CEP63: variants seen among roughly 807,000 people sequenced by gnomAD.
CEP63 encodes the protein centrosomal protein of 63 kDa.
A neutral mutation model predicts 89.1 loss-of-function variants in CEP63; 84 were observed. The ratio of observed to expected loss-of-function variants is 0.94; its 90% CI spans 0.79 to 1.13. The LOEUF (loss-of-function observed/expected upper bound fraction) is 1.13, where lower values mean the gene tolerates loss of function less well. Ranked by LOEUF, CEP63 falls within the 50% of genes most tolerant of loss-of-function variation. The pLI, the probability that CEP63 is intolerant of heterozygous loss-of-function variation, is 0.00. For missense variants in CEP63, 838 were observed against 813.3 expected (o/e 1.03, Z -0.37); for synonymous variants, 267 against 272.5 (o/e 0.98, Z 0.20).
chr3:134,607,507 C>T, the CEP63 span: 1 of 985,686 alleles, frequency 1.0e-6, no homozygotes, highest in Non-Finnish European at 1.2e-6. Context: ...GACGGTGCCA[C>T]CAGGCAGTCC....
chr3:134,574,693 C>T, intron 11 of CEP63: 1 of 441,640 alleles, frequency 2.3e-6, no homozygotes, highest in Non-Finnish European at 4.1e-6. Flanking sequence ...CTGCAACCTC[C>T]ACCTCCTGGG....
intron 12 of CEP63, among the ~76,000 whole-genome samples, chr3:134,557,841 C>T (rs563262529): frequency 2.0e-5 from 3 of 152,146 alleles, no homozygotes; most frequent in East Asian, 1.9e-4. Flanking sequence ...TGCTATTTTC[C>T]TTCTTCTTCC....
intron 1 of CEP63, among the ~76,000 whole-genome samples, chr3:134,494,785 A>T (rs1939167815): frequency 6.6e-6 from 1 of 152,182 alleles, no homozygotes; most frequent in Admixed American, 6.5e-5. Context: ...TGGAGAGAGG[A>T]TGTTGCATGC....
the CEP63 span, among the ~76,000 whole-genome samples, chr3:134,730,010 C>T: frequency 6.6e-6 from 1 of 152,202 alleles, no homozygotes; most frequent in Non-Finnish European, 1.5e-5. Flanking sequence ...GCACGCATTT[C>T]TAACCCTTCT....
At chr3:134,517,117 T>TA (rs1477639081) in intron 3 of CEP63, among the ~76,000 whole-genome samples, 1 of 152,198 alleles carries the variant, frequency 6.6e-6, no homozygotes, top group African/African-American at 2.4e-5. Context: ...ATATGCTTAA[T>TA]ATGCTCAATA....
chr3:134,700,284 G>A, the CEP63 span, among the ~76,000 whole-genome samples: 4 of 152,164 alleles, frequency 2.6e-5, no homozygotes, highest in African/African-American at 9.7e-5. Context: ...GCGCTCAACA[G>A]CTCTCCCCTG....
At chr3:134,486,429 C>T (rs1935401075) in intron 1 of CEP63, 43 of 985,410 alleles carry the variant, frequency 4.4e-5, no homozygotes, top group Non-Finnish European at 5.2e-5. Context: ...GTCCCTCGGC[C>T]TGGCCCGCTA....
intron 1 of CEP63, among the ~76,000 whole-genome samples, chr3:134,488,541 G>A (rs1236716437): frequency 2.7e-5 from 4 of 150,504 alleles, no homozygotes; most frequent in African/African-American, 7.4e-5. Flanking sequence ...TCCGGGAGGC[G>A]GAGGTTGCAG....
At chr3:134,640,385 C>T in the CEP63 span, among the ~76,000 whole-genome samples, 1 of 152,132 alleles carries the variant, frequency 6.6e-6, no homozygotes, top group African/African-American at 2.4e-5. Flanking sequence ...ATTTAAATAT[C>T]TTTGAGCTTC....
At chr3:134,533,424 A>C (rs529995337) in intron 5 of CEP63, among the ~76,000 whole-genome samples, 8 of 152,226 alleles carry the variant, frequency 5.3e-5, no homozygotes, top group Non-Finnish European at 1.0e-4. Context: ...CTTTTCGTAC[A>C]AAGTAATCTC....
At chr3:134,651,465 G>A in the CEP63 span, 1 of 1,012,606 alleles carries the variant, frequency 9.9e-7, no homozygotes, top group Non-Finnish European at 1.2e-6. Context: ...TTCAGGAAAA[G>A]GAAAGACAGC....
downstream of CEP63, among the ~76,000 whole-genome samples, chr3:134,577,497 G>C (rs1198028620): frequency 8.6e-6 from 1 of 116,702 alleles, no homozygotes; most frequent in Non-Finnish European, 1.6e-5. Flanking sequence ...TGCAATCTTG[G>C]CTCACTGCAA....
At chr3:134,625,182 G>A in the CEP63 span, 1 of 1,475,228 alleles carries the variant, frequency 6.8e-7, no homozygotes, top group Non-Finnish European at 9.3e-7. Context: ...CCACTGAAGA[G>A]GGCTGCCTGG....
chr3:134,662,957 A>G, the CEP63 span, among the ~76,000 whole-genome samples: 1 of 152,198 alleles, frequency 6.6e-6, no homozygotes, highest in South Asian at 2.1e-4. Flanking sequence ...AGAATTTGCC[A>G]GGTACCCTCA....
At chr3:134,592,467 C>CG (rs1958615583), downstream of CEP63, among the ~76,000 whole-genome samples, 1 of 63,928 alleles carries the variant, frequency 1.6e-5, no homozygotes, top group Non-Finnish European at 3.3e-5. Flanking sequence ...CATCTGCAAA[C>CG]TGGTGTGTGT....
At chr3:134,770,621 A>C in the CEP63 span, among the ~76,000 whole-genome samples, 3 of 152,314 alleles carry the variant, frequency 2.0e-5, no homozygotes, top group South Asian at 6.2e-4. Context: ...GTTTGTTGTC[A>C]AATACCATTC....
intron 3 of CEP63, among the ~76,000 whole-genome samples, chr3:134,516,018 A>G (rs1056403462): frequency 6.6e-6 from 1 of 152,166 alleles, no homozygotes; most frequent in Non-Finnish European, 1.5e-5. Context: ...AAAGAGACAC[A>G]AAGTGTAGAG....
intron 12 of CEP63, among the ~76,000 whole-genome samples, chr3:134,555,379 G>T (rs1308295678): frequency 1.3e-5 from 2 of 151,874 alleles, no homozygotes; most frequent in Non-Finnish European, 2.9e-5. Context: ...AAACCCCATT[G>T]TCTCAGCCCA....
chr3:134,500,037 G>A (rs1039614171), intron 2 of CEP63, among the ~76,000 whole-genome samples: 6 of 151,862 alleles, frequency 4.0e-5, no homozygotes, highest in Non-Finnish European at 5.9e-5. Context: ...TGTTGGCCAG[G>A]CTGGTCTCGA....
Sources: gnomAD v4.1 joint callset for allele counts (sites outside exome capture counted in the v4.1 genomes callset) on GRCh38, gnomAD v4.1.1 for gene constraint, MANE v1.5 for transcripts, NCBI Gene and HGNC (gene_info 2026-07-23, HGNC 2026-07-21) for gene names.